KCNN1: variants seen among roughly 807,000 people sequenced by gnomAD.
KCNN1 encodes small conductance calcium-activated potassium channel protein 1.
Under a neutral mutation model 44.7 loss-of-function variants are expected in KCNN1, and 20 were observed. The ratio of observed to expected loss-of-function variants is 0.45; its 90% CI spans 0.32 to 0.65. KCNN1 has a LOEUF of 0.65. KCNN1 is among the 30% of genes least tolerant of loss of function. The pLI, the probability that KCNN1 is intolerant of heterozygous loss-of-function variation, is 0.05. For missense variants in KCNN1, 632 were observed against 785.3 expected, an observed-to-expected ratio of 0.80 and a Z score of 2.33; for synonymous variants, 324 against 341.7, an observed-to-expected ratio of 0.95 and a Z score of 0.57.
chr19:17,973,896 G>A lies in KCNN1; in HGVS notation c.8G>A (p.Ser3Asn). MN[S>N]HSYNGSVGRP... ...CCCTGCACCCAGGTAGTCATGAACA[G>A]CCACAGCTACAATGGCAGCGTGGGG... The change falls in exon 2 of 10, where the codon AGC becomes AAC. Residue 3 changes from serine to asparagine, a missense_variant. Coordinates refer to ENST00000684775, the MANE Select transcript of KCNN1 (RefSeq NM_001386974.1). 1 of 1,552,502 alleles carries A rather than the reference G, an allele frequency of 6.4e-7. No individual in the cohort carries two copies. The highest frequency in any genetic ancestry group is 8.7e-7 in the Non-Finnish European group (1 of 1,150,410).
At chr19:17,976,102 G>A (rs941834100) in intron 3 of KCNN1, among the ~76,000 whole-genome samples, 29 of 152,054 alleles carry the variant, frequency 1.9e-4, no homozygotes, top group African/African-American at 7.0e-4. Context: ...GATCACTTGG[G>A]GTCAGGAGTT....
rs189213123 is a variant in KCNN1 at position 17,956,338 on chromosome 19, T to C, written c.-82+1657T>C. On this transcript the variant is annotated intron_variant, in intron 2 of 10. Transcript: ENST00000222249. ...GGTCATTTAGTCAATCAACAAACACTGAGCAAGCTAGCTACTGTCTGCCAG... is the reference window on the plus strand; with the variant it reads ...GGTCATTTAGTCAATCAACAAACACCGAGCAAGCTAGCTACTGTCTGCCAG... Among the ~76,000 whole-genome samples, 186 of 152,346 alleles carry C rather than the reference T, an allele frequency of 1.2e-3. No homozygotes were observed. In the Middle Eastern group the frequency reaches 0.037, roughly 31 times the overall value.
At chr19:17,994,950 C>A (rs2032932477) in intron 9 of KCNN1, among the ~76,000 whole-genome samples, 1 of 152,328 alleles carries the variant, frequency 6.6e-6, no homozygotes, top group South Asian at 2.1e-4. Context: ...TCCCTTCTGA[C>A]CAATGACATA....
At chr19:17,997,815 C>T (rs775576660) in intron 9 of KCNN1, among the ~76,000 whole-genome samples, 6 of 151,488 alleles carry the variant, frequency 4.0e-5, no homozygotes, top group Non-Finnish European at 7.4e-5. Flanking sequence ...TTAGGCTGGG[C>T]GCCTCCCGGA....
chr19:17,976,481 G>A lies in KCNN1; in HGVS notation c.498+1294G>A, dbSNP rs2032208797. Among the ~76,000 whole-genome samples, 5 of 150,662 alleles carry A rather than the reference G, an allele frequency of 3.3e-5. No individual in the cohort carries two copies. The South Asian group carries it at 6.3e-4, about 19-fold the overall frequency. ...TGTCCAGGCTGGAGTGCAATGGCAC[G>A]ATCTCCAGCTCACCGCAACCTACGC... On this transcript the variant is annotated intron_variant, in intron 3 of 9. Transcript: ENST00000684775.
intron 1 of KCNN1, among the ~76,000 whole-genome samples, chr19:17,953,845 G>A (rs1341993043): frequency 6.6e-6 from 1 of 152,188 alleles, no homozygotes; most frequent in Non-Finnish European, 1.5e-5. Flanking sequence ...TGGGAGGATC[G>A]CTTGAGCCCG....
At chr19:17,966,023 G>GCCTGCCTTCCTTCCTT (rs1369774115), upstream of KCNN1, among the ~76,000 whole-genome samples, 4 of 119,706 alleles carry the variant, frequency 3.3e-5, no homozygotes, top group South Asian at 3.0e-4. Context: ...CTGCCTGCCT[G>GCCTGCCTTCCTTCCTT]CCTTCCTTCC....
At chr19:17,961,306 G>A (rs1346058587) in intron 2 of KCNN1, among the ~76,000 whole-genome samples, 1 of 151,942 alleles carries the variant, frequency 6.6e-6, no homozygotes. Flanking sequence ...GCCAGGCACA[G>A]TGGTTCACGC....
chr19:17,991,352 G>A (rs749040430), intron 7 of KCNN1, among the ~76,000 whole-genome samples: 55 of 151,872 alleles, frequency 3.6e-4, no homozygotes, highest in Non-Finnish European at 5.8e-4. Flanking sequence ...CCAGGAGGTT[G>A]AGGTGGGAGG....
upstream of KCNN1, among the ~76,000 whole-genome samples, chr19:17,966,833 G>A (rs2031823201): frequency 6.6e-6 from 1 of 151,894 alleles, no homozygotes; most frequent in African/African-American, 2.4e-5. Flanking sequence ...GCTGAAGTTT[G>A]GGACCTAATT....
intron 1 of KCNN1, among the ~76,000 whole-genome samples, chr19:17,970,701 C>T (rs1432539829): frequency 1.3e-5 from 2 of 151,876 alleles, no homozygotes; most frequent in Non-Finnish European, 2.9e-5. Context: ...GCTGGAATTA[C>T]AGGCATGAGC....
chr19:17,953,222 C>A (rs868094834), intron 1 of KCNN1, among the ~76,000 whole-genome samples: 1 of 152,172 alleles, frequency 6.6e-6, no homozygotes, highest in Non-Finnish European at 1.5e-5. Flanking sequence ...CAAAGGAAAT[C>A]CCTGGGGGGA....
At chr19:17,967,104 G>T (rs2031835363), upstream of KCNN1, 11 of 980,312 alleles carry the variant, frequency 1.1e-5, no homozygotes, top group Non-Finnish European at 1.2e-5. Flanking sequence ...TCCCGGCCCG[G>T]GCGGGCGCTC....
chr19:17,951,801 A>T (rs1024153152), intron 1 of KCNN1, among the ~76,000 whole-genome samples: 4 of 150,692 alleles, frequency 2.7e-5, no homozygotes, highest in Admixed American at 2.0e-4. Context: ...GGGAGGCTTT[A>T]ATTGTCTGCC....
At chr19:17,965,785 C>T (rs1312388830), upstream of KCNN1, among the ~76,000 whole-genome samples, 2 of 152,074 alleles carry the variant, frequency 1.3e-5, no homozygotes, top group East Asian at 1.9e-4. Flanking sequence ...TGGATCTGAC[C>T]GGGACCACCC....
chr19:17,973,685 C>T, intron 1 of KCNN1, 123 bp from the exon 2 acceptor site: 3 of 1,158,190 alleles, frequency 2.6e-6, no homozygotes, highest in Non-Finnish European at 2.3e-6. Flanking sequence ...GATGGTAAAC[C>T]CACGTGTCAG....
At chr19:17,994,512 A>G (rs976751656) in intron 9 of KCNN1, among the ~76,000 whole-genome samples, 1 of 151,216 alleles carries the variant, frequency 6.6e-6, no homozygotes, top group Non-Finnish European at 1.5e-5. Context: ...GTTGATTCGA[A>G]TATCAAGTCA....
At chr19:17,952,664 G>A (rs769505654) in intron 1 of KCNN1, among the ~76,000 whole-genome samples, 13 of 152,096 alleles carry the variant, frequency 8.5e-5, no homozygotes, top group Admixed American at 2.6e-4. Flanking sequence ...GGAAAGCACC[G>A]CTGGTTCCCG....
upstream of KCNN1, among the ~76,000 whole-genome samples, chr19:17,963,259 T>G (rs1174616579): frequency 1.3e-5 from 2 of 151,434 alleles, no homozygotes; most frequent in African/African-American, 4.9e-5. Flanking sequence ...GTGATCCGCC[T>G]GCCTCAGCCT....
Sources: allele counts gnomAD v4.1 joint callset (sites outside exome capture counted in the v4.1 genomes callset), GRCh38; gene constraint gnomAD v4.1.1; transcripts MANE v1.5; gene names NCBI Gene and HGNC (gene_info 2026-07-23, HGNC 2026-07-21).